Variants in DENND4A observed in about 807,000 individuals in gnomAD.
The protein encoded by DENND4A is DENN domain containing 4A, also known as C-myc promoter-binding protein.
A neutral mutation model predicts 199.3 loss-of-function variants in DENND4A; 70 were observed. That is an observed-to-expected ratio of 0.35 (90% CI 0.29 to 0.43). DENND4A has a LOEUF of 0.43. Among genes scored for constraint, DENND4A ranks in the 20% least tolerant of loss-of-function variants. DENND4A has a pLI of 1.00. For synonymous variants in DENND4A, 686 were observed against 766.9 expected (o/e 0.89, Z 1.74); for missense variants, 1,723 against 2,255.8 (o/e 0.76, Z 4.78).
At chr15:65,730,824 G>A (rs192740435) in intron 9 of DENND4A, among the ~76,000 whole-genome samples, 1 of 152,142 alleles carries the variant, frequency 6.6e-6, no homozygotes, top group Admixed American at 6.5e-5. Context: ...GATAGCTGCA[G>A]AACTCTGTGA....
intron 1 of DENND4A, among the ~76,000 whole-genome samples, chr15:65,767,697 C>T (rs1488262461): frequency 6.6e-6 from 1 of 152,134 alleles, no homozygotes; most frequent in East Asian, 1.9e-4. Context: ...CATAGAAACA[C>T]AAACACATTA....
At chr15:65,699,213 A>T (rs2077262231) in intron 20 of DENND4A, among the ~76,000 whole-genome samples, 1 of 152,212 alleles carries the variant, frequency 6.6e-6, no homozygotes, top group Admixed American at 6.5e-5. Context: ...GCTTACATTT[A>T]TTAAACTTTA....
Position 65,706,079 on chromosome 15 carries a change from C to A in DENND4A, c.2087+12G>T. On this transcript the variant is annotated intron_variant, in intron 15 of 32. Transcript: ENST00000443035. The stretch of plus-strand genomic sequence containing the variant: ...CTCTCTTTCAATCTCAAACATTCTG[C>A]CTCTTGAATACCTGTACTGTAAAGG... 6.5e-7 allele frequency: 1 copy of A among 1,535,716 alleles called. No individual in the cohort carries two copies. The highest frequency in any genetic ancestry group is 8.8e-7 in the Non-Finnish European group (1 of 1,142,162).
At chr15:65,779,726 T>C (rs987948114) in intron 1 of DENND4A, among the ~76,000 whole-genome samples, 2 of 151,944 alleles carry the variant, frequency 1.3e-5, no homozygotes, top group African/African-American at 4.8e-5. Flanking sequence ...CTCAGCTCAC[T>C]GCAACCTCTG....
In DENND4A at chr15:65,723,009, A is replaced by G. The variant is rs946034338; in HGVS notation, c.1488-61T>C. 7.3e-6 allele frequency: 9 copies of G among 1,240,150 alleles called. 1 individual carries two copies. Among genetic ancestry groups the G allele is most frequent in the African/African-American group, 1.6e-5 (1 of 64,356 alleles). 76.8% of individuals were successfully genotyped at this position (1,240,150 alleles called of 1,614,324 possible). Reference sequence around the variant, plus strand: ...ATGGTCTTTTGGAGGGGAAAGGTATATATCTGTTATATATAAAAACGGGAA... The same window carrying G: ...ATGGTCTTTTGGAGGGGAAAGGTATGTATCTGTTATATATAAAAACGGGAA... On this transcript the variant is annotated intron_variant, in intron 11 of 32. Transcript: ENST00000443035.
At position 65,661,187 on chromosome 15, in the gene DENND4A, C is replaced by T. The variant is rs1401664109; in HGVS notation, c.*664G>A. 6.6e-6 allele frequency: 1 copy of T among 152,036 alleles called. No individual in the cohort carries two copies. The highest frequency in any genetic ancestry group is 1.5e-5 in the Non-Finnish European group (1 of 68,014). The allele number at this position is 152,036 out of a possible 1,614,324, so 9.4% of individuals were successfully genotyped here. A position where few individuals can be genotyped will look rare whatever the true frequency, so the allele number is the denominator to read the frequency against. On this transcript the variant is annotated 3_prime_UTR_variant, in exon 33 of 33. Transcript: ENST00000443035. ...AGGCTTAGGGGTACTAACATGCAAT[C>T]CTAGGACAACACTTGACACTAGCAC...
intron 22 of DENND4A, among the ~76,000 whole-genome samples, chr15:65,695,967 A>C (rs767284120): frequency 1.3e-5 from 2 of 152,130 alleles, no homozygotes; most frequent in Non-Finnish European, 2.9e-5. Flanking sequence ...ATTGTTACTT[A>C]AACTATCTGA....
intron 2 of DENND4A, among the ~76,000 whole-genome samples, chr15:65,760,102 C>T (rs2076814258): frequency 6.6e-6 from 1 of 152,182 alleles, no homozygotes; most frequent in Non-Finnish European, 1.5e-5. Flanking sequence ...GCTCTAAATA[C>T]ACATAACCTT....
chr15:65,789,287 C>T (rs896980514), intron 1 of DENND4A, among the ~76,000 whole-genome samples: 3 of 152,096 alleles, frequency 2.0e-5, no homozygotes, highest in African/African-American at 4.8e-5. Context: ...CCTGGGCTCA[C>T]GGGATCCTCC....
At chr15:65,696,542 A>G (rs1441651974) in intron 21 of DENND4A, 45 bp from the exon 22 acceptor site, 1 of 1,471,630 alleles carries the variant, frequency 6.8e-7, no homozygotes, top group Non-Finnish European at 9.3e-7. Context: ...AAATCTATAT[A>G]CACTGTAGGA....
At chr15:65,774,616 G>C (rs887446491) in intron 1 of DENND4A, among the ~76,000 whole-genome samples, 90 of 152,256 alleles carry the variant, frequency 5.9e-4, no homozygotes, top group African/African-American at 2.1e-3. Context: ...TGCTGAGTGA[G>C]CTGAGATCGT....
intron 4 of DENND4A, among the ~76,000 whole-genome samples, chr15:65,748,535 C>T (rs955480337): frequency 1.3e-5 from 2 of 150,890 alleles, no homozygotes; most frequent in African/African-American, 2.4e-5. Flanking sequence ...AGGAGAATCA[C>T]GTTAGCCCAG....
intron 4 of DENND4A, among the ~76,000 whole-genome samples, chr15:65,743,161 C>T (rs1448938407): frequency 1.3e-5 from 2 of 152,124 alleles, no homozygotes; most frequent in African/African-American, 4.8e-5. Context: ...ACGAGTGATC[C>T]TTTTAAATCA....
At chr15:65,689,039 T>C (rs1480116323) in intron 23 of DENND4A, among the ~76,000 whole-genome samples, 2 of 152,192 alleles carry the variant, frequency 1.3e-5, no homozygotes, top group African/African-American at 4.8e-5. Flanking sequence ...TTTAAAGATA[T>C]CTTTCCAGTG....
chr15:65,750,010 A>G (rs1459050049), intron 4 of DENND4A, among the ~76,000 whole-genome samples: 1 of 152,222 alleles, frequency 6.6e-6, no homozygotes, highest in Non-Finnish European at 1.5e-5. Context: ...ACTTGTATTC[A>G]TCATTCTGCA....
chr15:65,700,175 C>G (rs866327175), intron 20 of DENND4A, among the ~76,000 whole-genome samples: 9 of 152,080 alleles, frequency 5.9e-5, no homozygotes, highest in Middle Eastern at 3.4e-3. Flanking sequence ...ATACTATTAA[C>G]TTAGACACAG....
At chr15:65,790,263 C>T (rs994201810) in intron 1 of DENND4A, among the ~76,000 whole-genome samples, 1 of 152,158 alleles carries the variant, frequency 6.6e-6, no homozygotes, top group Non-Finnish European at 1.5e-5. Flanking sequence ...CAGAACAAAT[C>T]AGCATCAACT....
At position 65,660,808 on chromosome 15, in the gene DENND4A, T is replaced by C. The variant is rs1190161898; in HGVS notation, c.*1043A>G. 1 of 152,772 alleles carries C rather than the reference T, an allele frequency of 6.5e-6. No homozygotes were observed. The highest frequency in any genetic ancestry group is 1.5e-5 in the Non-Finnish European group (1 of 68,450). The allele number at this position is 152,772 out of a possible 1,614,324, so 9.5% of individuals were successfully genotyped here. ...ATTTTTCTACTTTTGAAAAAAATTC[T>C]GAATATTTATATATAGTATTAACAG... On this transcript the variant is annotated 3_prime_UTR_variant, in exon 33 of 33. Transcript: ENST00000443035.
At position 65,733,350 on chromosome 15, in the gene DENND4A, C is replaced by A. The variant is rs2076016699; in HGVS notation, c.1041-532G>T. ...CTAGATCTATGGATTTTGTTTTTAA[C>A]ACTATGGAACAGAAAAAAAGCAACC... On this transcript the variant is annotated intron_variant, in intron 7 of 32. Transcript: ENST00000443035. Among the ~76,000 whole-genome samples the A allele has an allele frequency of 2.6e-5, 4 of 151,996 alleles. No homozygotes were observed. The South Asian group carries it at 8.3e-4, about 32-fold the overall frequency.
Sources: allele counts gnomAD v4.1 joint callset (sites outside exome capture counted in the v4.1 genomes callset), GRCh38; gene constraint gnomAD v4.1.1; transcripts MANE v1.5; gene names NCBI Gene and HGNC (gene_info 2026-07-23, HGNC 2026-07-21).